A1CF: variants seen among roughly 807,000 people sequenced by gnomAD.
A1CF encodes the protein APOBEC-1 stimulating protein.
In A1CF, 48 loss-of-function variants were observed where a neutral mutation model predicts 68.9. The observed-to-expected ratio is 0.70, with a 90% CI of 0.55 to 0.89. The LOEUF (loss-of-function observed/expected upper bound fraction) is 0.89, where lower values mean the gene tolerates loss of function less well. Ranked by LOEUF, A1CF falls within the 40% of genes least tolerant of loss-of-function variation. A1CF has a pLI of 0.00. For synonymous variants in A1CF, 272 were observed against 260.4 expected, an observed-to-expected ratio of 1.04 and a Z score of -0.43; for missense variants, 653 against 718.9, an observed-to-expected ratio of 0.91 and a Z score of 1.05.
intron 8 of A1CF, among the ~76,000 whole-genome samples, chr10:50,818,945 T>C (rs1838503393): frequency 6.6e-6 from 1 of 152,166 alleles, no homozygotes. Flanking sequence ...GAAGCTGTTC[T>C]ACATGGGGTC....
At chr10:50,870,658 A>C (rs1383884635) in intron 1 of A1CF, among the ~76,000 whole-genome samples, 1 of 151,882 alleles carries the variant, frequency 6.6e-6, no homozygotes, top group Non-Finnish European at 1.5e-5. Context: ...AAATAACACC[A>C]GATCCAGATG....
chr10:50,869,285 G>A lies in A1CF; in HGVS notation c.-93-5205C>T, dbSNP rs535127730. ...TAAATAAGGTAATGAATGTGAGAGC[G>A]CCTAACATAGTACCTGGCATATAGA... On this transcript the variant is annotated intron_variant, in intron 1 of 12. Coordinates refer to ENST00000373997, the MANE Select transcript of A1CF (RefSeq NM_014576.4). Among the ~76,000 whole-genome samples, 7 of 152,048 alleles carry A rather than the reference G, an allele frequency of 4.6e-5. No individual in the cohort carries two copies. In the East Asian group the frequency reaches 5.8e-4, roughly 13 times the overall value.
Position 50,837,862 on chromosome 10 carries a change from G to A in A1CF, c.366-1550C>T, listed in dbSNP as rs554888616. Among the ~76,000 whole-genome samples the A allele has an allele frequency of 7.2e-5, 11 of 152,240 alleles. No homozygotes were observed. In the South Asian group the frequency reaches 1.5e-3, roughly 20 times the overall value. On this transcript the variant is annotated intron_variant, in intron 5 of 12. Transcript: ENST00000373997. ...GGTTTAAAAAAACAGTTCACAATTG[G>A]CTGCTAGGCTTTAAAAGGCTATAAA...
chr10:50,808,661 C>T (rs567065770), intron 12 of A1CF, among the ~76,000 whole-genome samples: 159 of 152,300 alleles, frequency 1.0e-3, no homozygotes, highest in Non-Finnish European at 2.4e-4. Context: ...GGACTCACCA[C>T]AGAGCATCTC....
intron 10 of A1CF, among the ~76,000 whole-genome samples, chr10:50,811,694 T>C (rs751619015): frequency 2.3e-4 from 35 of 152,204 alleles, no homozygotes; most frequent in Non-Finnish European, 4.1e-4. Flanking sequence ...CCTAGATGGG[T>C]GTTGACAGTT....
chr10:50,848,736 T>C (rs1007566171), intron 3 of A1CF, among the ~76,000 whole-genome samples: 1 of 152,204 alleles, frequency 6.6e-6, no homozygotes, highest in Non-Finnish European at 1.5e-5. Flanking sequence ...TAAACTTGTT[T>C]CAGATGTTTT....
At chr10:50,845,374 T>A (rs1589012087) in intron 3 of A1CF, among the ~76,000 whole-genome samples, 1 of 152,338 alleles carries the variant, frequency 6.6e-6, no homozygotes, top group Admixed American at 6.5e-5. Flanking sequence ...GAGACATTAA[T>A]GAGTTTTATT....
intron 1 of A1CF, among the ~76,000 whole-genome samples, chr10:50,880,881 T>G (rs1285904913): frequency 6.6e-6 from 1 of 152,182 alleles, no homozygotes; most frequent in Non-Finnish European, 1.5e-5. Context: ...CTGGACTGAG[T>G]TATAATTACA....
intron 3 of A1CF, among the ~76,000 whole-genome samples, chr10:50,846,714 T>C (rs1211188465): frequency 1.3e-5 from 2 of 152,228 alleles, no homozygotes; most frequent in African/African-American, 4.8e-5. Context: ...CAACTATTTA[T>C]GCATATGATG....
intron 3 of A1CF, among the ~76,000 whole-genome samples, chr10:50,849,786 C>CTTTTTTT (rs71949925): frequency 6.7e-4 from 56 of 83,656 alleles, no homozygotes; most frequent in Admixed American, 1.1e-3. Context: ...TTAATGAATT[C>CTTTTTTT]TTTTTTTTTT....
At chr10:50,841,692 A>C (rs879145912) in intron 5 of A1CF, among the ~76,000 whole-genome samples, 170 bp downstream of exon 5, 14 of 152,170 alleles carry the variant, frequency 9.2e-5, no homozygotes, top group African/African-American at 2.7e-4. Context: ...TATAGTATTG[A>C]TATTAATAAA....
intron 6 of A1CF, among the ~76,000 whole-genome samples, chr10:50,829,166 A>T (rs1795519600): frequency 6.6e-6 from 1 of 152,108 alleles, no homozygotes; most frequent in Non-Finnish European, 1.5e-5. Flanking sequence ...AATGAGCTTT[A>T]GAGAGGATAA....
chr10:50,842,652 A>C (rs1839834366), intron 4 of A1CF, among the ~76,000 whole-genome samples: 1 of 152,208 alleles, frequency 6.6e-6, no homozygotes, highest in Non-Finnish European at 1.5e-5. Flanking sequence ...CATTTCCTCT[A>C]AATTGTCCTC....
chr10:50,882,998 C>G (rs564220380), intron 1 of A1CF, among the ~76,000 whole-genome samples: 1 of 152,086 alleles, frequency 6.6e-6, no homozygotes, highest in South Asian at 2.1e-4. Context: ...GCAATAATCT[C>G]TAAAATAAAA....
chr10:50,803,301 C>T lies in A1CF; in HGVS notation c.*3428G>A, dbSNP rs535939681. 2 of 150,640 alleles carry T rather than the reference C, an allele frequency of 1.3e-5. No homozygotes were observed. The highest frequency in any genetic ancestry group is 4.9e-5 in the African/African-American group (2 of 40,688). 9.3% of individuals were successfully genotyped at this position (150,640 alleles called of 1,614,324 possible). ...TTTTTTTTGTAGAGGCGGAGTCTCT[C>T]CATGTTGCCCAGGCTGGTCTTGAAC... On this transcript the variant is annotated 3_prime_UTR_variant, in exon 13 of 13. Coordinates refer to ENST00000373997, the MANE Select transcript of A1CF (RefSeq NM_014576.4).
At chr10:50,852,741 C>T (rs1286995594) in intron 3 of A1CF, among the ~76,000 whole-genome samples, 1 of 152,086 alleles carries the variant, frequency 6.6e-6, no homozygotes, top group African/African-American at 2.4e-5. Flanking sequence ...AAAAGAATGT[C>T]AATGCCACAG....
At chr10:50,871,328 G>GA (rs938865011) in intron 1 of A1CF, among the ~76,000 whole-genome samples, 2 of 151,736 alleles carry the variant, frequency 1.3e-5, no homozygotes, top group African/African-American at 4.8e-5. Context: ...AACTTAACGA[G>GA]AAAAGTTTAA....
intron 1 of A1CF, among the ~76,000 whole-genome samples, chr10:50,873,955 T>G (rs1012862521): frequency 6.6e-6 from 1 of 152,120 alleles, no homozygotes; most frequent in East Asian, 1.9e-4. Context: ...ATGATTATTT[T>G]ATTATAATTT....
At chr10:50,882,433 C>T (rs1203805587) in intron 1 of A1CF, among the ~76,000 whole-genome samples, 1 of 152,122 alleles carries the variant, frequency 6.6e-6, no homozygotes, top group African/African-American at 2.4e-5. Flanking sequence ...TACTCCATCT[C>T]ATACAAACAA....
Sources: gnomAD v4.1 joint callset for allele counts (sites outside exome capture counted in the v4.1 genomes callset) on GRCh38, gnomAD v4.1.1 for gene constraint, MANE v1.5 for transcripts, NCBI Gene and HGNC (gene_info 2026-07-23, HGNC 2026-07-21) for gene names.